The following C1QTNF3 variants were observed in gnomAD, a reference collection of about 807,000 sequenced individuals.
C1QTNF3 encodes the protein complement C1q tumor necrosis factor-related protein 3.
Under a neutral mutation model 32.6 loss-of-function variants are expected in C1QTNF3, and 26 were observed. The observed-to-expected ratio is 0.80, with a 90% CI of 0.58 to 1.11. C1QTNF3 has a LOEUF of 1.11. C1QTNF3 is among the 50% of genes least tolerant of loss of function. The probability of loss-of-function intolerance (pLI) is 0.00; values close to 1 mark genes in which losing one functional copy is unlikely to be tolerated. For missense variants in C1QTNF3, 362 were observed against 398.2 expected (o/e 0.91, Z 0.77); for synonymous variants, 155 against 146.0 (o/e 1.06, Z -0.44).
the C1QTNF3 span, among the ~76,000 whole-genome samples, chr5:34,137,696 A>T: frequency 6.6e-6 from 1 of 152,232 alleles, no homozygotes; most frequent in African/African-American, 2.4e-5. Context: ...TTTTGTTTTC[A>T]CATGCACACA....
chr5:34,081,488 G>C, the C1QTNF3 span, among the ~76,000 whole-genome samples: 4 of 151,626 alleles, frequency 2.6e-5, no homozygotes, highest in South Asian at 8.3e-4. Context: ...TCCATGAAAT[G>C]TTTCTAACTT....
chr5:34,104,987 GT>G, the C1QTNF3 span, among the ~76,000 whole-genome samples: 877 of 132,986 alleles, frequency 6.6e-3, 9 homozygotes, highest in African/African-American at 0.018. Context: ...TTCAGCAAGA[GT>G]TTTTTTTTTT....
At chr5:34,223,197 G>T in the C1QTNF3 span, among the ~76,000 whole-genome samples, 1 of 125,954 alleles carries the variant, frequency 7.9e-6, no homozygotes, top group Non-Finnish European at 1.6e-5. Flanking sequence ...AGTCCCCAGC[G>T]TGTGGTGTTC....
the C1QTNF3 span, among the ~76,000 whole-genome samples, chr5:34,172,989 T>G: frequency 3.2e-4 from 48 of 152,286 alleles, no homozygotes; most frequent in South Asian, 8.3e-3. Context: ...ATATTTTAAC[T>G]TTTATTTTAG....
the C1QTNF3 span, among the ~76,000 whole-genome samples, chr5:34,211,061 T>C: frequency 1.5e-4 from 22 of 151,550 alleles, no homozygotes; most frequent in Non-Finnish European, 2.7e-4. Flanking sequence ...CCCTAAGTAA[T>C]TGACTCTACC....
the C1QTNF3 span, among the ~76,000 whole-genome samples, chr5:34,059,615 G>A: frequency 6.6e-6 from 1 of 152,098 alleles, no homozygotes; most frequent in Non-Finnish European, 1.5e-5. Context: ...CATTTATGAG[G>A]GCAAAGCCCT....
chr5:34,160,702 T>C, the C1QTNF3 span, among the ~76,000 whole-genome samples: 3 of 152,138 alleles, frequency 2.0e-5, no homozygotes, highest in African/African-American at 7.2e-5. Flanking sequence ...GTTGTCAAAA[T>C]AAAACCAGTT....
At chr5:34,058,495 G>C in the C1QTNF3 span, among the ~76,000 whole-genome samples, 9 of 152,272 alleles carry the variant, frequency 5.9e-5, no homozygotes, top group African/African-American at 2.2e-4. Context: ...TCAGTATACA[G>C]ACCCCCAGGG....
the C1QTNF3 span, among the ~76,000 whole-genome samples, chr5:34,195,925 G>A: frequency 6.6e-6 from 1 of 152,304 alleles, no homozygotes; most frequent in Non-Finnish European, 1.5e-5. Flanking sequence ...AGAGAATTAG[G>A]TTTAGATGAG....
At chr5:34,197,517 G>A in the C1QTNF3 span, among the ~76,000 whole-genome samples, 1 of 152,152 alleles carries the variant, frequency 6.6e-6, no homozygotes, top group South Asian at 2.1e-4. Flanking sequence ...GTTTACCTAT[G>A]ATCATGTATT....
At chr5:34,197,084 T>C in the C1QTNF3 span, among the ~76,000 whole-genome samples, 3 of 152,308 alleles carry the variant, frequency 2.0e-5, no homozygotes, top group Non-Finnish European at 4.4e-5. Context: ...AGAAGACTCT[T>C]ACTGCCTCAT....
the C1QTNF3 span, among the ~76,000 whole-genome samples, chr5:34,169,684 G>A: frequency 6.6e-6 from 1 of 151,832 alleles, no homozygotes; most frequent in Non-Finnish European, 1.5e-5. Context: ...TGTTTCCTGT[G>A]CTTTTGATGT....
the C1QTNF3 span, among the ~76,000 whole-genome samples, chr5:34,087,889 A>AT: frequency 1.3e-4 from 20 of 152,100 alleles, no homozygotes; most frequent in Middle Eastern, 3.2e-3. Flanking sequence ...TGGCCCTTTT[A>AT]TTTTTTTATT....
the C1QTNF3 span, among the ~76,000 whole-genome samples, chr5:34,134,713 GCTCT>G: frequency 6.6e-6 from 1 of 151,980 alleles, no homozygotes; most frequent in African/African-American, 2.4e-5. Context: ...TCATGATTTG[GCTCT>G]CTGTTTGTCT....
chr5:34,093,474 G>T, the C1QTNF3 span, among the ~76,000 whole-genome samples: 3 of 117,590 alleles, frequency 2.6e-5, no homozygotes, highest in African/African-American at 1.1e-4. Context: ...GTCATTCTCT[G>T]CCTTGACCTT....
chr5:34,026,780 A>C (rs1230334297), intron 4 of C1QTNF3, among the ~76,000 whole-genome samples: 1 of 152,220 alleles, frequency 6.6e-6, no homozygotes, highest in Admixed American at 6.5e-5. Context: ...TTTAAAGTAG[A>C]AAAGAAAAGC....
the C1QTNF3 span, among the ~76,000 whole-genome samples, chr5:34,154,417 C>T: frequency 6.6e-6 from 1 of 152,096 alleles, no homozygotes; most frequent in Admixed American, 6.6e-5. Flanking sequence ...TGCTGTTAAT[C>T]AGATTGATTA....
the C1QTNF3 span, among the ~76,000 whole-genome samples, chr5:34,204,051 T>G: frequency 6.6e-6 from 1 of 151,766 alleles, no homozygotes. Context: ...AAAAAAGGAA[T>G]AGACAGCAAT....
the C1QTNF3 span, among the ~76,000 whole-genome samples, chr5:34,142,401 C>G: frequency 6.8e-6 from 1 of 147,196 alleles, no homozygotes; most frequent in African/African-American, 2.5e-5. Flanking sequence ...CACTGCACTC[C>G]AGCCTGGGTG....
Sources: gnomAD v4.1 joint callset for allele counts (sites outside exome capture counted in the v4.1 genomes callset) on GRCh38, gnomAD v4.1.1 for gene constraint, MANE v1.5 for transcripts, NCBI Gene and HGNC (gene_info 2026-07-23, HGNC 2026-07-21) for gene names.